The following SYTL5 variants were observed in gnomAD, a reference collection of about 807,000 sequenced individuals.
SYTL5 encodes the protein synaptotagmin like 5, also known as synaptotagmin-like protein 5.
A neutral mutation model predicts 55.9 loss-of-function variants in SYTL5; 34 were observed. The observed-to-expected ratio is 0.61, with a 90% CI of 0.46 to 0.81. The LOEUF (loss-of-function observed/expected upper bound fraction) is 0.81. Ranked by LOEUF, SYTL5 falls within the 30% of genes least tolerant of loss-of-function variation. The pLI is 0.00. For synonymous variants in SYTL5, 221 were observed against 188.7 expected (o/e 1.17, Z -1.40); for missense variants, 637 against 546.7 (o/e 1.17, Z -1.65).
At chrX:38,106,137 C>T (rs565650393) in intron 10 of SYTL5, among the ~76,000 whole-genome samples, 2 of 111,979 alleles carry the variant, frequency 1.8e-5, no homozygotes, top group South Asian at 7.5e-4. Context: ...TCAAAGAAAG[C>T]AGTATGTGGC....
At chrX:38,072,408 G>T (rs182546767) in intron 4 of SYTL5, among the ~76,000 whole-genome samples, 2 of 112,267 alleles carry the variant, frequency 1.8e-5, no homozygotes, top group African/African-American at 6.5e-5. Context: ...GAAACCATTT[G>T]TCTCCATCAT....
chrX:38,016,428 G>T, intron 1 of SYTL5, among the ~76,000 whole-genome samples: 1 of 111,624 alleles, frequency 9.0e-6, no homozygotes. Context: ...AGACTTATAG[G>T]AATCCTAACC....
At chrX:38,123,497 T>C (rs1177268558) in intron 15 of SYTL5, among the ~76,000 whole-genome samples, 2 of 111,595 alleles carry the variant, frequency 1.8e-5, no homozygotes, top group Non-Finnish European at 3.8e-5. Context: ...TTGGTGAGTG[T>C]GTATGCCTGA....
At chrX:37,918,485 A>C in the SYTL5 span, among the ~76,000 whole-genome samples, 10 of 112,218 alleles carry the variant, frequency 8.9e-5, no homozygotes, top group Non-Finnish European at 1.7e-4. Context: ...AACCCAGCCA[A>C]AATCAGCCAA....
chrX:37,969,791 A>G, the SYTL5 span, among the ~76,000 whole-genome samples: 1 of 110,934 alleles, frequency 9.0e-6, no homozygotes, highest in Non-Finnish European at 1.9e-5. Flanking sequence ...CCACCACTAC[A>G]GCCGGCTAAT....
the SYTL5 span, among the ~76,000 whole-genome samples, chrX:37,897,916 G>A: frequency 4.5e-5 from 5 of 111,353 alleles, no homozygotes; most frequent in African/African-American, 1.6e-4. Context: ...TGGGCAAGAT[G>A]GTGAAACCCC....
chrX:38,079,635 T>C lies in SYTL5; in HGVS notation c.689+2934T>C, dbSNP rs1006670247. Reference sequence around the variant, plus strand: ...CCCTAGACAAGGATTTATAAGCAAGTGATTTATTATTAATCAAGTGATTCC... The same window carrying C: ...CCCTAGACAAGGATTTATAAGCAAGCGATTTATTATTAATCAAGTGATTCC... On this transcript the variant is annotated intron_variant, in intron 6 of 16. Transcript: ENST00000297875. 6.2e-5 allele frequency among the ~76,000 whole-genome samples: 7 copies of C among 112,096 alleles called. No homozygotes were observed. The South Asian group carries it at 1.5e-3, about 24-fold the overall frequency.
the SYTL5 span, among the ~76,000 whole-genome samples, chrX:37,897,227 A>G: frequency 9.0e-6 from 1 of 110,499 alleles, no homozygotes; most frequent in African/African-American, 3.3e-5. Context: ...GCTCATGTCC[A>G]TAATCCCAGC....
At chrX:38,084,298 C>T (rs761339443) in intron 6 of SYTL5, among the ~76,000 whole-genome samples, 6 of 112,281 alleles carry the variant, frequency 5.3e-5, no homozygotes, top group African/African-American at 1.6e-4. Context: ...CCTCACCCTA[C>T]GCATCTCTTT....
At chrX:37,982,203 A>C in the SYTL5 span, among the ~76,000 whole-genome samples, 2 of 112,007 alleles carry the variant, frequency 1.8e-5, no homozygotes, top group Admixed American at 9.5e-5. Context: ...TGCCACATCA[A>C]ATAGAGTTTA....
In SYTL5 at chrX:38,089,520, G is replaced by A. The variant is rs2147506010; in HGVS notation, c.764G>A (p.Gly255Asp). ...PRTPKSSRSN[G>D]VTPGTQSSPA... ...ACCCCGAAGAGCAGTCGGAGCAATGGTGTGACCCCAGGCACTCAGAGTTCA... is the reference window on the plus strand; with the variant it reads ...ACCCCGAAGAGCAGTCGGAGCAATGATGTGACCCCAGGCACTCAGAGTTCA... Residue 255 changes from glycine to aspartate, a missense_variant, in exon 7 of 17, where the codon GGT becomes GAT. Coordinates refer to ENST00000297875, the MANE Select transcript of SYTL5 (RefSeq NM_138780.3). 2 of 1,210,830 alleles carry A rather than the reference G, an allele frequency of 1.7e-6. No homozygotes were observed. The highest frequency in any genetic ancestry group is 2.2e-6 in the Non-Finnish European group (2 of 895,098).
chrX:37,994,157 C>A, the SYTL5 span, among the ~76,000 whole-genome samples: 6 of 112,099 alleles, frequency 5.4e-5, no homozygotes, highest in Non-Finnish European at 1.1e-4. Flanking sequence ...TAGGCTGAGG[C>A]CTGATCAGAG....
intron 1 of SYTL5, among the ~76,000 whole-genome samples, chrX:38,029,353 A>G (rs2147181254): frequency 8.9e-6 from 1 of 112,527 alleles, no homozygotes; most frequent in East Asian, 2.8e-4. Flanking sequence ...TTTTACCAAA[A>G]ACGCATTTCA....
At chrX:37,994,998 G>C in the SYTL5 span, among the ~76,000 whole-genome samples, 7 of 111,492 alleles carry the variant, frequency 6.3e-5, no homozygotes, top group East Asian at 2.8e-4. Flanking sequence ...GAGCTGAAGC[G>C]GGGGAAGGGG....
At chrX:37,930,051 T>G in the SYTL5 span, among the ~76,000 whole-genome samples, 34 of 111,108 alleles carry the variant, frequency 3.1e-4, no homozygotes, top group African/African-American at 9.8e-4. Flanking sequence ...GAGAGTCTCT[T>G]GTTTTCATAG....
intron 2 of SYTL5, among the ~76,000 whole-genome samples, chrX:38,048,527 CAAA>C (rs201459563): frequency 3.0e-5 from 2 of 67,123 alleles, no homozygotes; most frequent in Non-Finnish European, 3.1e-5. Context: ...GGGCAATTTA[CAAA>C]AAAAAAAAAA....
chrX:37,981,675 C>A, the SYTL5 span, among the ~76,000 whole-genome samples: 2 of 111,698 alleles, frequency 1.8e-5, no homozygotes, highest in African/African-American at 6.5e-5. Flanking sequence ...GTCTATGGAG[C>A]AATTTATGCC....
In SYTL5 at chrX:38,008,177, A is replaced by G. The variant is rs760036741; in HGVS notation, c.-357+1509A>G. The stretch of plus-strand genomic sequence containing the variant: ...TGATGTATCTTATGACTATTTTGCC[A>G]TCCTGCGTAAGCACTTAGCTAATCA... On this transcript the variant is annotated intron_variant, in intron 1 of 16. Coordinates refer to ENST00000297875, the MANE Select transcript of SYTL5 (RefSeq NM_138780.3). Among the ~76,000 whole-genome samples, 5 of 112,031 alleles carry G rather than the reference A, an allele frequency of 4.5e-5. No individual in the cohort carries two copies. The South Asian group carries it at 1.8e-3, about 41-fold the overall frequency.
At chrX:38,071,981 T>G in intron 3 of SYTL5, 66 bp from the exon 4 acceptor site, 3 of 772,243 alleles carry the variant, frequency 3.9e-6, no homozygotes, top group Non-Finnish European at 5.9e-6. Flanking sequence ...TTATTAGGGA[T>G]TTTTGAGAGT....
Sources: allele counts gnomAD v4.1 joint callset (sites outside exome capture counted in the v4.1 genomes callset), GRCh38; gene constraint gnomAD v4.1.1; transcripts MANE v1.5; gene names NCBI Gene and HGNC (gene_info 2026-07-23, HGNC 2026-07-21).